SCOC: variants seen among roughly 807,000 people sequenced by gnomAD.
SCOC encodes short coiled coil protein.
Under a neutral mutation model 9.9 loss-of-function variants are expected in SCOC, and 7 were observed. The ratio of observed to expected loss-of-function variants is 0.71; its 90% CI spans 0.40 to 1.33. SCOC has a LOEUF of 1.33. Among genes scored for constraint, SCOC ranks in the 40% most tolerant of loss-of-function variants. The pLI, the probability that SCOC is intolerant of heterozygous loss-of-function variation, is 0.01. For missense variants in SCOC, 66 were observed against 89.7 expected (o/e 0.74, Z 1.07); for synonymous variants, 19 against 28.2 (o/e 0.67, Z 1.03).
intron 1 of SCOC, among the ~76,000 whole-genome samples, chr4:140,289,526 G>A (rs1352175712): frequency 6.6e-6 from 1 of 152,174 alleles, no homozygotes; most frequent in Non-Finnish European, 1.5e-5. Context: ...TAAACCCTTG[G>A]AGAGTGGTGC....
intron 1 of SCOC, among the ~76,000 whole-genome samples, chr4:140,332,836 T>C (rs1467412316): frequency 6.6e-6 from 1 of 152,160 alleles, no homozygotes; most frequent in Non-Finnish European, 1.5e-5. Context: ...ATTACTGCAA[T>C]AGTCTTCTAA....
chr4:140,307,288 C>T (rs1732021932), intron 1 of SCOC, among the ~76,000 whole-genome samples: 1 of 152,194 alleles, frequency 6.6e-6, no homozygotes, highest in Non-Finnish European at 1.5e-5. Context: ...CAGTCCTCTG[C>T]TGATCTTCTG....
chr4:140,381,222 G>A lies in SCOC; in HGVS notation c.*118G>A, dbSNP rs1392037578. 4.1e-6 allele frequency: 4 copies of A among 971,448 alleles called. No individual in the cohort carries two copies. The highest frequency in any genetic ancestry group is 1.9e-5 in the South Asian group (1 of 53,876). 60.2% of individuals were successfully genotyped at this position (971,448 alleles called of 1,614,324 possible). ...TTCATTGAATATTTATGAAGATAATGTCAGATGTAGACAAAAATAACACAA... is the reference window on the plus strand; with the variant it reads ...TTCATTGAATATTTATGAAGATAATATCAGATGTAGACAAAAATAACACAA... On this transcript the variant is annotated 3_prime_UTR_variant, in exon 4 of 4. Coordinates refer to ENST00000608372, the MANE Select transcript of SCOC (RefSeq NM_001153484.2).
chr4:140,326,747 T>C (rs1279096321), intron 1 of SCOC, among the ~76,000 whole-genome samples: 1 of 152,192 alleles, frequency 6.6e-6, no homozygotes, highest in Non-Finnish European at 1.5e-5. Context: ...CATACAAATA[T>C]ATAAATGCTT....
At chr4:140,295,426 C>G (rs1256092759) in intron 1 of SCOC, among the ~76,000 whole-genome samples, 1 of 152,196 alleles carries the variant, frequency 6.6e-6, no homozygotes, top group African/African-American at 2.4e-5. Flanking sequence ...TGGAGCCACA[C>G]AGGGGCGTGC....
At chr4:140,349,910 C>T (rs549856615) in intron 2 of SCOC, among the ~76,000 whole-genome samples, 4 of 152,220 alleles carry the variant, frequency 2.6e-5, no homozygotes, top group Non-Finnish European at 4.4e-5. Flanking sequence ...CTCACAGCCC[C>T]TGAAGGATAA....
rs538587819 is a variant in SCOC, at chr4:140,383,016, G to T, written c.*1912G>T. Reference sequence around the variant, plus strand: ...GTCACTCTAGTTATTCTTCTAATTTGCAGAAAAAGAACATGGAAGTGTACA... The same window carrying T: ...GTCACTCTAGTTATTCTTCTAATTTTCAGAAAAAGAACATGGAAGTGTACA... On this transcript the variant is annotated 3_prime_UTR_variant, in exon 4 of 4. Coordinates refer to ENST00000608372, the MANE Select transcript of SCOC (RefSeq NM_001153484.2). 1 of 152,318 alleles carries T rather than the reference G, an allele frequency of 6.6e-6. No individual in the cohort carries two copies. Among genetic ancestry groups the T allele is most frequent in the African/African-American group, 2.4e-5 (1 of 41,560 alleles). 9.4% of individuals were successfully genotyped at this position (152,318 alleles called of 1,614,324 possible).
At chr4:140,349,622 C>T (rs1486695117) in intron 2 of SCOC, among the ~76,000 whole-genome samples, 2 of 152,184 alleles carry the variant, frequency 1.3e-5, no homozygotes, top group African/African-American at 2.4e-5. Flanking sequence ...GCCCCACCAT[C>T]CACACAGTTA....
chr4:140,328,117 T>C (rs1164399570), intron 1 of SCOC, among the ~76,000 whole-genome samples: 1 of 152,220 alleles, frequency 6.6e-6, no homozygotes, highest in Admixed American at 6.5e-5. Flanking sequence ...GCAGGGAACA[T>C]GCTGAGAAGA....
intron 1 of SCOC, among the ~76,000 whole-genome samples, chr4:140,302,120 C>T (rs1731830661): frequency 6.6e-6 from 1 of 151,622 alleles, no homozygotes; most frequent in Non-Finnish European, 1.5e-5. Flanking sequence ...AGGCATGAGC[C>T]ACAGCGCCCA....
chr4:140,349,926 G>A (rs555619540), intron 2 of SCOC, among the ~76,000 whole-genome samples: 14 of 152,248 alleles, frequency 9.2e-5, no homozygotes, highest in African/African-American at 1.7e-4. Context: ...GATAAAGTCC[G>A]ATTCACTTAG....
intron 1 of SCOC, among the ~76,000 whole-genome samples, chr4:140,270,036 C>A (rs1474212202): frequency 6.6e-6 from 1 of 152,172 alleles, no homozygotes; most frequent in African/African-American, 2.4e-5. Flanking sequence ...CAGGCATGAA[C>A]CACCATGCCC....
intron 1 of SCOC, among the ~76,000 whole-genome samples, chr4:140,335,125 T>C (rs1182318122): frequency 6.6e-6 from 1 of 152,212 alleles, no homozygotes; most frequent in Non-Finnish European, 1.5e-5. Context: ...TTGATTTTCA[T>C]CTTTAAAATG....
intron 1 of SCOC, among the ~76,000 whole-genome samples, chr4:140,285,662 C>A (rs1731244864): frequency 6.6e-6 from 1 of 152,168 alleles, no homozygotes; most frequent in African/African-American, 2.4e-5. Context: ...AGTGAGAATG[C>A]AGCATTTCTC....
chr4:140,283,550 G>A (rs1731147399), intron 1 of SCOC, among the ~76,000 whole-genome samples: 1 of 152,078 alleles, frequency 6.6e-6, no homozygotes, highest in Admixed American at 6.5e-5. Context: ...GAAATCATCT[G>A]TAAATCAAAA....
intron 1 of SCOC, among the ~76,000 whole-genome samples, chr4:140,273,657 AT>A (rs1403975665): frequency 6.6e-6 from 1 of 151,056 alleles, no homozygotes; most frequent in Non-Finnish European, 1.5e-5. Flanking sequence ...AAAAAAAAAA[AT>A]CCCCTAATTT....
At chr4:140,357,635 A>G (rs886383583) in intron 2 of SCOC, among the ~76,000 whole-genome samples, 1 of 152,238 alleles carries the variant, frequency 6.6e-6, no homozygotes, top group Admixed American at 6.5e-5. Flanking sequence ...GTGTTTATAA[A>G]CCAAACATTG....
At chr4:140,285,961 C>G (rs1270084812) in intron 1 of SCOC, among the ~76,000 whole-genome samples, 1 of 152,020 alleles carries the variant, frequency 6.6e-6, no homozygotes, top group Admixed American at 6.6e-5. Flanking sequence ...GAGGCAGGTA[C>G]ATCACCTGAG....
At chr4:140,377,255 T>C (rs1217987723) in intron 1 of SCOC, among the ~76,000 whole-genome samples, 1 of 152,238 alleles carries the variant, frequency 6.6e-6, no homozygotes. Context: ...TCTTCAATTA[T>C]AGTTAAAGAG....
Sources: gnomAD v4.1 joint callset for allele counts (sites outside exome capture counted in the v4.1 genomes callset) on GRCh38, gnomAD v4.1.1 for gene constraint, MANE v1.5 for transcripts, NCBI Gene and HGNC (gene_info 2026-07-23, HGNC 2026-07-21) for gene names.